Variants in TCF4 observed in about 807,000 individuals in gnomAD.
TCF4 encodes the protein transcription factor 4.
Under a neutral mutation model 82.1 loss-of-function variants are expected in TCF4, and 3 were observed. That is an observed-to-expected ratio of 0.04 (90% CI 0.02 to 0.09). The LOEUF (loss-of-function observed/expected upper bound fraction) is 0.09, where lower values mean the gene tolerates loss of function less well. Among genes scored for constraint, TCF4 ranks in the 10% least tolerant of loss-of-function variants. TCF4 has a pLI of 1.00. For missense variants in TCF4, 518 were observed against 852.7 expected (o/e 0.61, Z 4.89); for synonymous variants, 276 against 309.6 (o/e 0.89, Z 1.14).
At chr18:55,533,211 C>T (rs1197288878) in intron 3 of TCF4, among the ~76,000 whole-genome samples, 1 of 152,146 alleles carries the variant, frequency 6.6e-6, no homozygotes, top group East Asian at 1.9e-4. Flanking sequence ...TAAAACCAGC[C>T]TCCCAGGGAG....
chr18:55,403,592 T>G, intron 5 of TCF4, 74 bp from the exon 6 acceptor site: 6 of 1,613,546 alleles, frequency 3.7e-6, no homozygotes, highest in Non-Finnish European at 5.1e-6. Flanking sequence ...GTAACAGACA[T>G]CTACTGCTCT....
chr18:55,528,576 T>C (rs2097020057), intron 3 of TCF4, among the ~76,000 whole-genome samples: 1 of 152,182 alleles, frequency 6.6e-6, no homozygotes, highest in Non-Finnish European at 1.5e-5. Context: ...AGCAAAAATA[T>C]GCTAAAGCCA....
intron 5 of TCF4, among the ~76,000 whole-genome samples, chr18:55,428,851 G>A (rs1019905311): frequency 2.6e-5 from 4 of 152,054 alleles, no homozygotes; most frequent in South Asian, 2.1e-4. Flanking sequence ...GTTGTCACAC[G>A]GTAAGCTTCC....
intron 3 of TCF4, among the ~76,000 whole-genome samples, chr18:55,528,808 C>T (rs2097023313): frequency 6.6e-6 from 1 of 152,266 alleles, no homozygotes; most frequent in African/African-American, 2.4e-5. Flanking sequence ...GTGTCTTTCC[C>T]ATTTTTTACA....
At chr18:55,248,178 A>C (rs2053889109) in intron 15 of TCF4, among the ~76,000 whole-genome samples, 1 of 151,882 alleles carries the variant, frequency 6.6e-6, no homozygotes, top group Admixed American at 6.6e-5. Context: ...CAAAACTTTC[A>C]GTTGAGGTTA....
intron 3 of TCF4, among the ~76,000 whole-genome samples, chr18:55,540,124 G>C (rs958944713): frequency 7.9e-5 from 12 of 151,826 alleles, no homozygotes; most frequent in African/African-American, 2.4e-4. Context: ...CCTTCTTAGA[G>C]GAGTTTCATT....
chr18:55,277,434 T>A (rs2061665159), intron 9 of TCF4, among the ~76,000 whole-genome samples: 1 of 152,178 alleles, frequency 6.6e-6, no homozygotes, highest in East Asian at 1.9e-4. Flanking sequence ...TAACACAGAG[T>A]ACTCTGCTTG....
chr18:55,488,185 G>C (rs1031686320), intron 3 of TCF4, among the ~76,000 whole-genome samples: 41 of 152,036 alleles, frequency 2.7e-4, no homozygotes, highest in African/African-American at 9.7e-4. Context: ...TACTCCCTGG[G>C]TTTTCATTGG....
intron 5 of TCF4, among the ~76,000 whole-genome samples, chr18:55,407,713 C>G (rs2094163530): frequency 6.6e-6 from 1 of 150,946 alleles, no homozygotes; most frequent in Non-Finnish European, 1.5e-5. Context: ...TCTTGCTGTC[C>G]CAAGAAGGAG....
At chr18:55,439,805 C>T (rs953365792) in intron 5 of TCF4, among the ~76,000 whole-genome samples, 4 of 152,224 alleles carry the variant, frequency 2.6e-5, no homozygotes, top group Admixed American at 6.5e-5. Flanking sequence ...TCACTGCAAC[C>T]GCCGCCTCCT....
chr18:55,621,779 TA>T (rs1568501318), intron 2 of TCF4, among the ~76,000 whole-genome samples: 2 of 91,254 alleles, frequency 2.2e-5, no homozygotes, highest in Non-Finnish European at 3.8e-5. Context: ...ATATATAATA[TA>T]ATATATATTA....
intron 5 of TCF4, among the ~76,000 whole-genome samples, chr18:55,435,990 C>T (rs530255754): frequency 6.6e-6 from 1 of 152,298 alleles, no homozygotes; most frequent in African/African-American, 2.4e-5. Flanking sequence ...CAATAAGCAT[C>T]TGAGGAATAG....
chr18:55,589,543 AT>A, upstream of TCF4: 1 of 1,049,782 alleles, frequency 9.5e-7, no homozygotes, highest in Non-Finnish European at 1.1e-6. Context: ...TTAAAAAAAA[AT>A]CCAACAACTT....
intron 6 of TCF4, among the ~76,000 whole-genome samples, chr18:55,365,892 CA>C (rs963076479): frequency 5.3e-5 from 8 of 151,494 alleles, no homozygotes; most frequent in Non-Finnish European, 1.2e-4. Context: ...AACTCCATCC[CA>C]AAAAAAGCAA....
At chr18:55,291,683 T>C (rs1372847216) in intron 8 of TCF4, among the ~76,000 whole-genome samples, 1 of 152,286 alleles carries the variant, frequency 6.6e-6, no homozygotes, top group South Asian at 2.1e-4. Flanking sequence ...TGCTTCTCTG[T>C]CTGTTACCCA....
Position 55,422,632 on chromosome 18 carries a change from T to G in TCF4, c.305-19114A>C, listed in dbSNP as rs1474337781. 4.3e-5 allele frequency: 12 copies of G among 279,952 alleles called. No individual in the cohort carries two copies. In the South Asian group the frequency reaches 6.8e-4, roughly 16 times the overall value. The allele number at this position is 279,952 out of a possible 1,614,324, so 17.3% of individuals were successfully genotyped here. A position where few individuals can be genotyped will look rare whatever the true frequency, so the allele number is the denominator to read the frequency against. Reference sequence around the variant, plus strand: ...TGGTGCTTTTAGTGTGTGTGTGTGTTTTTTTCTTCCCTGAAAAGTTGGCAG... The same window carrying G: ...TGGTGCTTTTAGTGTGTGTGTGTGTGTTTTTCTTCCCTGAAAAGTTGGCAG... On this transcript the variant is annotated intron_variant, in intron 5 of 19. Coordinates refer to ENST00000354452, the MANE Select transcript of TCF4 (RefSeq NM_001083962.2).
intron 2 of TCF4, chr18:55,596,100 A>G: frequency 2.3e-6 from 1 of 439,468 alleles, no homozygotes; most frequent in Non-Finnish European, 4.6e-6. Context: ...TCGAGTGATG[A>G]CTCACGCCTA....
rs1288374397 is a variant in TCF4, at chr18:55,522,948, A to ATGTCC, written c.146-58812_146-58811insGGACA. Among the ~76,000 whole-genome samples, 4 of 152,108 alleles carry ATGTCC rather than the reference A, an allele frequency of 2.6e-5. No homozygotes were observed. The South Asian group carries it at 6.2e-4, about 24-fold the overall frequency. Reference sequence around the variant, plus strand: ...TCTGAAATACTGAGAAATTCCTAAAATATCATTTGTTGGGACACTAAGAGT... The same window carrying ATGTCC: ...TCTGAAATACTGAGAAATTCCTAAAATGTCCTATCATTTGTTGGGACACTAAGAGT... On this transcript the variant is annotated intron_variant, in intron 3 of 19. Coordinates refer to ENST00000354452, the MANE Select transcript of TCF4 (RefSeq NM_001083962.2).
rs1216767000 is a variant in TCF4, at chr18:55,546,561, T to C, written c.145+38719A>G. Among the ~76,000 whole-genome samples the C allele has an allele frequency of 2.0e-5, 3 of 152,126 alleles. No homozygotes were observed. The East Asian group carries it at 5.8e-4, about 29-fold the overall frequency. ...CAGAAAAGCAGAAGCACCGAAGTTGTAGTGGATTGTATTTCTATTTGTTTT... is the reference window on the plus strand; with the variant it reads ...CAGAAAAGCAGAAGCACCGAAGTTGCAGTGGATTGTATTTCTATTTGTTTT... On this transcript the variant is annotated intron_variant, in intron 3 of 19. Transcript: ENST00000354452.
Sources: gnomAD v4.1 joint callset for allele counts (sites outside exome capture counted in the v4.1 genomes callset) on GRCh38, gnomAD v4.1.1 for gene constraint, MANE v1.5 for transcripts, NCBI Gene and HGNC (gene_info 2026-07-23, HGNC 2026-07-21) for gene names.